PFKL: variants seen among roughly 807,000 people sequenced by gnomAD.
PFKL encodes the protein ATP-dependent 6-phosphofructokinase, liver type.
PFKL carries 74 observed loss-of-function variants against 92.1 expected under a neutral mutation model. The observed-to-expected ratio is 0.80, with a 90% CI of 0.67 to 0.97. The LOEUF is 0.97. PFKL is among the 50% of genes least tolerant of loss of function. PFKL has a pLI of 0.00. For missense variants in PFKL, 1,028 were observed against 1,116.6 expected, an observed-to-expected ratio of 0.92 and a Z score of 1.13; for synonymous variants, 494 against 456.4, an observed-to-expected ratio of 1.08 and a Z score of -1.05.
chr21:44,308,059 G>T (rs139755798), intron 2 of PFKL, among the ~76,000 whole-genome samples: 7 of 152,310 alleles, frequency 4.6e-5, no homozygotes, highest in South Asian at 2.1e-4. Context: ...TGGAGAAGCC[G>T]AGGGGTACAG....
intron 1 of PFKL, among the ~76,000 whole-genome samples, chr21:44,304,741 C>T (rs1289068904): frequency 1.3e-5 from 1 of 78,382 alleles, no homozygotes; most frequent in Non-Finnish European, 2.1e-5. Context: ...GCGGGGGGCT[C>T]GGCTGTCTGG....
At chr21:44,320,020 TGCGCTGTGGCTGTACGCCGTG>T in intron 11 of PFKL, 43 bp from the exon 12 acceptor site, 1 of 1,456,938 alleles carries the variant, frequency 6.9e-7, no homozygotes, top group Non-Finnish European at 9.6e-7. Context: ...CTGTCACGGC[TGCGCTGTGGCTGTACGCCGTG>T]GCGCTGCAGG....
Position 44,325,240 on chromosome 21 carries a change from C to G in PFKL, c.1965C>G (p.Thr655=), listed in dbSNP as rs759306788. The G allele has an allele frequency of 6.2e-7, 1 of 1,609,644 alleles. No individual in the cohort carries two copies. Among genetic ancestry groups the G allele is most frequent in the Non-Finnish European group, 8.5e-7 (1 of 1,176,608 alleles). ...GCAAGGGCGTCTTCGACTGCAGGACCAATGTCCTGGGCCACCTGCAGCAGG... is the reference window on the plus strand; with the variant it reads ...GCAAGGGCGTCTTCGACTGCAGGACGAATGTCCTGGGCCACCTGCAGCAGG... ...SEGKGVFDCR[T]NVLGHLQQGG... The change falls in exon 19 of 22, where the codon ACC becomes ACG. Residue 655 remains threonine, a synonymous_variant. Transcript: ENST00000349048.
At chr21:44,324,979 C>T in intron 18 of PFKL, 62 bp downstream of exon 18, 3 of 1,486,378 alleles carry the variant, frequency 2.0e-6, no homozygotes, top group South Asian at 1.2e-5. Context: ...TGGGGTGGGG[C>T]TGCTGAGGAG....
At position 44,326,074 on chromosome 21, in the gene PFKL, G is replaced by A; in HGVS notation, c.2089+14G>A. 6.2e-7 allele frequency: 1 copy of A among 1,611,130 alleles called. No individual in the cohort carries two copies. Among genetic ancestry groups the A allele is most frequent in the Non-Finnish European group, 8.5e-7 (1 of 1,178,092 alleles). On this transcript the variant is annotated intron_variant, in intron 20 of 21. Transcript: ENST00000349048. ...TTTACCGCAAGGGTAGGTGGTGGGT[G>A]CGACCCGAGGCCTCACTTTGCCCTC...
chr21:44,300,797 T>G (rs114163456), intron 1 of PFKL, among the ~76,000 whole-genome samples: 2,289 of 152,226 alleles, frequency 0.015, 58 homozygotes, highest in African/African-American at 0.052. Context: ...CCTCAGGTGG[T>G]GGGGACTGGG....
In PFKL at chr21:44,326,887, C is replaced by T; in HGVS notation, c.*25C>T. On this transcript the variant is annotated 3_prime_UTR_variant, in exon 22 of 22. Transcript: ENST00000349048. Reference sequence around the variant, plus strand: ...AGGCCAGCCATGCCCACGCCCCTCCCCAGCCCCCACCCATGCCAGCGCAGC... The same window carrying T: ...AGGCCAGCCATGCCCACGCCCCTCCTCAGCCCCCACCCATGCCAGCGCAGC... The T allele has an allele frequency of 6.3e-7, 1 of 1,582,574 alleles. No individual in the cohort carries two copies. Among genetic ancestry groups the T allele is most frequent in the Non-Finnish European group, 8.6e-7 (1 of 1,162,036 alleles).
At position 44,323,109 on chromosome 21, in the gene PFKL, G is replaced by T. The variant is rs1043784759; in HGVS notation, c.1497+60G>T. ...CACAGGAGACCCAAGGTGTCCTCCC[G>T]CCGAGGGGGCCCATCCTGAAAACCC... On this transcript the variant is annotated intron_variant, in intron 15 of 21. Transcript: ENST00000349048. 3.2e-5 allele frequency: 44 copies of T among 1,354,804 alleles called. No individual in the cohort carries two copies. In the Middle Eastern group the frequency reaches 7.5e-4, roughly 23 times the overall value. 83.9% of individuals were successfully genotyped at this position (1,354,804 alleles called of 1,614,324 possible).
rs764817929 is a variant in PFKL, at chr21:44,323,865, C to T, written c.1597C>T (p.Pro533Ser). ...VIPATISNNV[P>S]GTDFSLGSDT... ...CCCAGCCACCATCAGCAACAACGTC[C>T]CTGGCACCGACTTCAGCCTGGGCTC... Residue 533 changes from proline to serine, a missense_variant, in exon 16 of 22, where the codon CCT becomes TCT. Physicochemically the swap from Pro to Ser is moderately conservative, Grantham distance 74. Transcript: ENST00000349048. The T allele has an allele frequency of 2.0e-5, 33 of 1,613,452 alleles. No homozygotes were observed. The highest frequency in any genetic ancestry group is 3.3e-5 in the South Asian group (3 of 91,086).
chr21:44,309,924 G>T (rs914015694), intron 2 of PFKL, among the ~76,000 whole-genome samples: 1 of 152,228 alleles, frequency 6.6e-6, no homozygotes. Flanking sequence ...CATGCGCCCC[G>T]CAGCGCGCAC....
intron 6 of PFKL, 53 bp downstream of exon 6, chr21:44,313,735 C>T: frequency 6.5e-7 from 1 of 1,548,708 alleles, no homozygotes; most frequent in South Asian, 1.2e-5. Context: ...CTGGGGACCG[C>T]AGTGACAGGT....
intron 19 of PFKL, chr21:44,325,520 C>T: frequency 1.8e-6 from 1 of 562,570 alleles, no homozygotes; most frequent in South Asian, 2.1e-5. Flanking sequence ...CCCACCCCTG[C>T]CAGGCCTCCC....
rs144255548 is a variant in PFKL, at chr21:44,312,268, G to A, written c.401G>A (p.Ser134Asn). Residue 134 changes from serine to asparagine, a missense_variant, in exon 4 of 22, where the codon AGC (serine) becomes AAC (asparagine). Transcript: ENST00000349048. ...GANIFRSEWG[S>N]LLEELVAEGK... ...AACATCTTCCGCAGCGAGTGGGGCA[G>A]CCTGCTGGAGGAGCTGGTGGCGGAA... The A allele has an allele frequency of 3.8e-6, 6 of 1,595,742 alleles. No homozygotes were observed. The highest frequency in any genetic ancestry group is 2.7e-5 in the African/African-American group (2 of 73,954).
intron 17 of PFKL, 48 bp from the exon 18 acceptor site, chr21:44,324,808 T>C: frequency 6.3e-7 from 1 of 1,594,098 alleles, no homozygotes; most frequent in Non-Finnish European, 8.6e-7. Flanking sequence ...CAGCCTGGAA[T>C]TCCCTCCCCA....
chr21:44,316,385 G>T, intron 8 of PFKL, 46 bp downstream of exon 8: 1 of 1,611,780 alleles, frequency 6.2e-7, no homozygotes, highest in Non-Finnish European at 8.5e-7. Flanking sequence ...GCTCCTCTAG[G>T]CCGTGTGGGC....
At position 44,314,266 on chromosome 21, in the gene PFKL, C is replaced by G. The variant is rs939721494; in HGVS notation, c.747+245C>G. The G allele has an allele frequency of 7.4e-6, 4 of 539,800 alleles. No individual in the cohort carries two copies. In the African/African-American group the frequency reaches 7.6e-5, roughly 10 times the overall value. The allele number at this position is 539,800 out of a possible 1,614,324, so 33.4% of individuals were successfully genotyped here. ...AGGGTCACTCAGGCTGCCGCCGCCCCAGGCTCAGCCCCGTGGTCAGTGTGG... is the reference window on the plus strand; with the variant it reads ...AGGGTCACTCAGGCTGCCGCCGCCCGAGGCTCAGCCCCGTGGTCAGTGTGG... On this transcript the variant is annotated intron_variant, in intron 7 of 21. Transcript: ENST00000349048.
chr21:44,325,109 C>T (rs747388115), intron 18 of PFKL, 44 bp from the exon 19 acceptor site: 1 of 1,410,794 alleles, frequency 7.1e-7, no homozygotes, highest in Middle Eastern at 1.7e-4. Flanking sequence ...CGGGGGGAGA[C>T]CTGAACTCGT....
At chr21:44,304,585 G>T (rs1418789534) in intron 1 of PFKL, 19 of 1,050,004 alleles carry the variant, frequency 1.8e-5, no homozygotes, top group Non-Finnish European at 2.1e-5. Flanking sequence ...TGGGGGACAG[G>T]GCGCTGCACT....
In PFKL at chr21:44,326,265, G is replaced by A; in HGVS notation, c.2195+1G>A. 6.2e-7 allele frequency: 1 copy of A among 1,604,944 alleles called. No homozygotes were observed. The highest frequency in any genetic ancestry group is 8.5e-7 in the Non-Finnish European group (1 of 1,173,394). ...AGCTCAAGAAAGACACTGATTTCGA[G>A]TGAGTTCCACCAAAGCCTCGTGGAG... On this transcript the variant is annotated splice_donor_variant, in intron 21 of 21. Transcript: ENST00000349048. LOFTEE classifies it high-confidence loss of function.
Sources: allele counts gnomAD v4.1 joint callset (sites outside exome capture counted in the v4.1 genomes callset), GRCh38; gene constraint gnomAD v4.1.1; transcripts MANE v1.5; gene names NCBI Gene and HGNC (gene_info 2026-07-23, HGNC 2026-07-21).